Variants in MCU observed in about 807,000 individuals in gnomAD.
MCU encodes the protein mitochondrial calcium uniporter, also known as calcium uniporter protein, mitochondrial.
Under a neutral mutation model 45.2 loss-of-function variants are expected in MCU, and 12 were observed. That is an observed-to-expected ratio of 0.27 (90% confidence interval 0.17 to 0.43). The LOEUF (loss-of-function observed/expected upper bound fraction) is 0.43. Among genes scored for constraint, MCU ranks in the 20% least tolerant of loss-of-function variants. The pLI is 1.00. For synonymous variants in MCU, 160 were observed against 165.1 expected, an observed-to-expected ratio of 0.97 and a Z score of 0.24; for missense variants, 324 against 436.7, an observed-to-expected ratio of 0.74 and a Z score of 2.30.
At chr10:72,829,267 G>A (rs548609780) in intron 1 of MCU, among the ~76,000 whole-genome samples, 94 of 149,816 alleles carry the variant, frequency 6.3e-4, no homozygotes, top group Middle Eastern at 3.4e-3. Context: ...AGATTGCAGT[G>A]AGCCAAGATT....
At chr10:72,803,309 T>C (rs1306759104) in intron 1 of MCU, among the ~76,000 whole-genome samples, 2 of 151,372 alleles carry the variant, frequency 1.3e-5, no homozygotes, top group Non-Finnish European at 2.9e-5. Flanking sequence ...GCTCTCATTT[T>C]CCCCCATCTT....
chr10:72,855,258 A>T (rs1845270214), intron 2 of MCU, among the ~76,000 whole-genome samples: 1 of 152,110 alleles, frequency 6.6e-6, no homozygotes. Flanking sequence ...AAAAATAAAT[A>T]AAATAAGGTA....
At chr10:72,845,015 GA>G (rs1845100243) in intron 2 of MCU, among the ~76,000 whole-genome samples, 1 of 152,060 alleles carries the variant, frequency 6.6e-6, no homozygotes, top group Non-Finnish European at 1.5e-5. Context: ...TTTGGAATAG[GA>G]AAACAAGGGG....
intron 6 of MCU, 148 bp downstream of exon 6, chr10:72,871,728 C>A: frequency 1.5e-6 from 1 of 668,196 alleles, no homozygotes; most frequent in Non-Finnish European, 2.6e-6. Context: ...GTGTATTAGG[C>A]AATATTCTAA....
intron 1 of MCU, among the ~76,000 whole-genome samples, chr10:72,743,972 T>A (rs1843373401): frequency 6.6e-6 from 1 of 152,006 alleles, no homozygotes; most frequent in South Asian, 2.1e-4. Flanking sequence ...TTGTAGGTTA[T>A]GCTGTAGCTC....
chr10:72,882,562 T>G (rs1845721000), intron 6 of MCU, among the ~76,000 whole-genome samples: 1 of 152,172 alleles, frequency 6.6e-6, no homozygotes, highest in Non-Finnish European at 1.5e-5. Context: ...CGGTCTCCCA[T>G]AGCGCTCCCA....
chr10:72,787,422 C>A (rs1844090703), intron 1 of MCU, among the ~76,000 whole-genome samples: 1 of 152,046 alleles, frequency 6.6e-6, no homozygotes, highest in Non-Finnish European at 1.5e-5. Context: ...GTGTGTGCCA[C>A]CATGCCCAGC....
At chr10:72,702,755 T>C (rs1842773673) in intron 1 of MCU, among the ~76,000 whole-genome samples, 1 of 152,058 alleles carries the variant, frequency 6.6e-6, no homozygotes, top group East Asian at 1.9e-4. Context: ...GGCGAGTGGA[T>C]CACCTGAGGT....
At chr10:72,840,012 G>A (rs1426061110) in intron 2 of MCU, among the ~76,000 whole-genome samples, 1 of 148,704 alleles carries the variant, frequency 6.7e-6, no homozygotes, top group East Asian at 2.0e-4. Flanking sequence ...TTGCCTGTAA[G>A]TCTTTGTATG....
In MCU at chr10:72,710,543, GTTT is replaced by G. The variant is rs555887994; in HGVS notation, c.150+18267_150+18269del. 2.4e-4 allele frequency among the ~76,000 whole-genome samples: 20 copies of G among 84,296 alleles called. No homozygotes were observed. In the South Asian group the frequency reaches 4.9e-3, roughly 21 times the overall value. 55.3% of individuals were successfully genotyped at this position (84,296 alleles called of 152,430 possible). On this transcript the variant is annotated intron_variant, in intron 1 of 7. Transcript: ENST00000373053. ...TGGAAAGGCCATTCCATCACCTAAG[GTTT>G]TTTTTTTTTTTTTTTTTTTTTTTTG...
intron 1 of MCU, among the ~76,000 whole-genome samples, chr10:72,791,779 AT>A: frequency 6.6e-6 from 1 of 151,616 alleles, no homozygotes; most frequent in East Asian, 1.9e-4. Context: ...ACATGAACTT[AT>A]TTTTAATTTT....
At chr10:72,715,688 G>A (rs1392589764) in intron 1 of MCU, among the ~76,000 whole-genome samples, 2 of 152,184 alleles carry the variant, frequency 1.3e-5, no homozygotes, top group Admixed American at 1.3e-4. Context: ...AAGAAGTAAT[G>A]GTTGAGGTTA....
intron 2 of MCU, among the ~76,000 whole-genome samples, chr10:72,850,340 A>G (rs1173491268): frequency 6.6e-6 from 1 of 152,218 alleles, no homozygotes; most frequent in Non-Finnish European, 1.5e-5. Context: ...TGTTAAGATC[A>G]TAAGCCCCTG....
At chr10:72,865,990 A>T (rs188157933) in intron 4 of MCU, among the ~76,000 whole-genome samples, 1 of 150,192 alleles carries the variant, frequency 6.7e-6, no homozygotes, top group African/African-American at 2.4e-5. Flanking sequence ...TGTTAGCCAG[A>T]ATGGTCTTGA....
intron 1 of MCU, among the ~76,000 whole-genome samples, chr10:72,747,221 G>T (rs751738871): frequency 9.2e-5 from 14 of 152,166 alleles, no homozygotes; most frequent in Non-Finnish European, 1.8e-4. Context: ...ATCCACTGTT[G>T]TGTTGTTTGC....
At chr10:72,731,596 A>G (rs191602485) in intron 1 of MCU, among the ~76,000 whole-genome samples, 5 of 152,242 alleles carry the variant, frequency 3.3e-5, no homozygotes, top group Admixed American at 6.5e-5. Flanking sequence ...AAAAAACAAC[A>G]ATCCATGTTT....
intron 6 of MCU, among the ~76,000 whole-genome samples, chr10:72,880,977 A>G (rs185859777): frequency 6.6e-6 from 1 of 152,278 alleles, no homozygotes; most frequent in East Asian, 1.9e-4. Flanking sequence ...AAATTTTTTT[A>G]AATTAGTTGA....
At chr10:72,725,733 A>C (rs1469239756) in intron 1 of MCU, among the ~76,000 whole-genome samples, 1 of 152,116 alleles carries the variant, frequency 6.6e-6, no homozygotes, top group African/African-American at 2.4e-5. Flanking sequence ...AAAATACAAA[A>C]ATTAGCTGGG....
intron 1 of MCU, among the ~76,000 whole-genome samples, chr10:72,748,581 C>G (rs999843946): frequency 2.0e-5 from 3 of 151,958 alleles, no homozygotes; most frequent in Non-Finnish European, 4.4e-5. Flanking sequence ...GTTTGAGAAG[C>G]CTAGAGGGGA....
Sources: gnomAD v4.1 joint callset for allele counts (sites outside exome capture counted in the v4.1 genomes callset) on GRCh38, gnomAD v4.1.1 for gene constraint, MANE v1.5 for transcripts, NCBI Gene and HGNC (gene_info 2026-07-23, HGNC 2026-07-21) for gene names.